The following H2BC5 variants were observed in gnomAD, a reference collection of about 807,000 sequenced individuals.
H2BC5 encodes the protein H2B clustered histone 5, also known as histone H2B type 1-D.
Under a neutral mutation model 5.7 loss-of-function variants are expected in H2BC5, and 9 were observed. The observed-to-expected ratio is 1.57, with a 90% CI of 0.95 to 2.74. The LOEUF (loss-of-function observed/expected upper bound fraction) is 2.74, where lower values mean the gene tolerates loss of function less well. Among genes scored for constraint, H2BC5 ranks in the 30% most tolerant of loss-of-function variants. H2BC5 has a pLI of 0.00. For synonymous variants in H2BC5, 133 were observed against 70.9 expected (o/e 1.88, Z -4.40); for missense variants, 175 against 168.8 (o/e 1.04, Z -0.20).
At position 26,158,203 on chromosome 6, in the gene H2BC5, A is replaced by G; in HGVS notation, c.34A>G (p.Lys12Glu). The change falls in exon 1 of 1, where the codon AAG becomes GAG. Residue 12 changes from lysine (K) to glutamate (E), a missense_variant. Transcript: ENST00000377777. ...ACCTACCAAGTCTGCTCCTGCCCCA[A>G]AGAAGGGCTCCAAGAAGGCGGTGAC... ...PEPTKSAPAP[K>E]KGSKKAVTKA... 1 of 1,614,196 alleles carries G rather than the reference A, an allele frequency of 6.2e-7. No homozygotes were observed. Among genetic ancestry groups the G allele is most frequent in the South Asian group, 1.1e-5 (1 of 91,086 alleles).
chr6:26,165,515 A>G (rs1186625032), intron 1 of H2BC5, among the ~76,000 whole-genome samples: 1 of 151,894 alleles, frequency 6.6e-6, no homozygotes, highest in Non-Finnish European at 1.5e-5. Flanking sequence ...CATCCTACCC[A>G]TGAAACCCCA....
At chr6:26,168,463 A>G (rs1479882753) in intron 1 of H2BC5, among the ~76,000 whole-genome samples, 1 of 151,896 alleles carries the variant, frequency 6.6e-6, no homozygotes, top group Non-Finnish European at 1.5e-5. Context: ...CATTTTTTAA[A>G]AAAAAAAAAT....
chr6:26,164,928 G>A (rs1764398541), intron 1 of H2BC5, among the ~76,000 whole-genome samples: 1 of 151,910 alleles, frequency 6.6e-6, no homozygotes, highest in South Asian at 2.1e-4. Context: ...CTAAAACTGG[G>A]GCTTGGGGGA....
At chr6:26,165,819 T>A (rs1452470056) in intron 1 of H2BC5, among the ~76,000 whole-genome samples, 1 of 152,124 alleles carries the variant, frequency 6.6e-6, no homozygotes, top group Non-Finnish European at 1.5e-5. Flanking sequence ...GAATGAGGGA[T>A]GAAAAGGAGG....
chr6:26,168,525 T>G (rs544883537), intron 1 of H2BC5, among the ~76,000 whole-genome samples: 2 of 152,088 alleles, frequency 1.3e-5, no homozygotes, highest in South Asian at 4.1e-4. Context: ...TGTAAAAAAT[T>G]TATGAACATA....
intron 1 of H2BC5, among the ~76,000 whole-genome samples, chr6:26,166,750 A>G (rs926536623): frequency 4.6e-4 from 65 of 141,870 alleles, no homozygotes; most frequent in Admixed American, 2.2e-3. Context: ...CCCAGGCTAA[A>G]GTGCAATGGT....
intron 1 of H2BC5, among the ~76,000 whole-genome samples, chr6:26,167,049 C>CTTTTTTTTT (rs149341201): frequency 4.0e-4 from 39 of 97,034 alleles, no homozygotes; most frequent in South Asian, 1.2e-3. Flanking sequence ...TTTGTTTTCT[C>CTTTTTTTTT]TTTTTTTTTT....
downstream of H2BC5, among the ~76,000 whole-genome samples, chr6:26,161,953 G>T (rs562672481): frequency 6.4e-4 from 97 of 152,028 alleles, 1 homozygote; most frequent in Middle Eastern, 3.4e-3. Context: ...AATAATATAA[G>T]AAAATAAAAA....
At chr6:26,159,618 G>A (rs1375240317), downstream of H2BC5, among the ~76,000 whole-genome samples, 3 of 152,156 alleles carry the variant, frequency 2.0e-5, no homozygotes, top group Non-Finnish European at 4.4e-5. Context: ...TACTTGAGAC[G>A]TGAAAAATGT....
chr6:26,166,238 C>G, intron 1 of H2BC5, among the ~76,000 whole-genome samples: 1 of 152,148 alleles, frequency 6.6e-6, no homozygotes, highest in East Asian at 1.9e-4. Flanking sequence ...TTAGCCTGGG[C>G]CCTTCCTTGC....
chr6:26,169,954 G>A (rs76021240), intron 1 of H2BC5, among the ~76,000 whole-genome samples: 3,257 of 151,708 alleles, frequency 0.021, 116 homozygotes, highest in African/African-American at 0.07. Context: ...AGAGCTTGGA[G>A]AACTAAAAGA....
chr6:26,158,904 G>C (rs892603258), downstream of H2BC5, among the ~76,000 whole-genome samples: 3 of 152,150 alleles, frequency 2.0e-5, no homozygotes, highest in African/African-American at 7.2e-5. Flanking sequence ...GTGTGGTGAC[G>C]GCCCGCCCTG....
chr6:26,168,236 A>C (rs1345207685), intron 1 of H2BC5, among the ~76,000 whole-genome samples: 1 of 152,144 alleles, frequency 6.6e-6, no homozygotes, highest in Admixed American at 6.6e-5. Context: ...AGGCGGGCAG[A>C]TCACCTGAGG....
At chr6:26,158,850 G>T (rs1279394501), downstream of H2BC5, among the ~76,000 whole-genome samples, 2 of 152,152 alleles carry the variant, frequency 1.3e-5, no homozygotes, top group Non-Finnish European at 2.9e-5. Context: ...TTTGGTTTCC[G>T]TGTGCAGATT....
At chr6:26,167,159 C>G (rs1317628276) in intron 1 of H2BC5, among the ~76,000 whole-genome samples, 1 of 139,600 alleles carries the variant, frequency 7.2e-6, no homozygotes, top group Non-Finnish European at 1.5e-5. Flanking sequence ...GTATCTGTGA[C>G]AAGCATGCTA....
At chr6:26,163,923 G>A (rs568206437) in intron 1 of H2BC5, 36 of 236,064 alleles carry the variant, frequency 1.5e-4, no homozygotes, top group African/African-American at 8.1e-4. Context: ...CTACAGGTGT[G>A]AGCCATTTCC....
At chr6:26,169,317 A>C (rs2113839078) in intron 1 of H2BC5, among the ~76,000 whole-genome samples, 1 of 152,136 alleles carries the variant, frequency 6.6e-6, no homozygotes, top group South Asian at 2.1e-4. Flanking sequence ...GTGGTCCTTG[A>C]CCTCCTGGAG....
At chr6:26,164,593 A>G (rs1376654781) in intron 1 of H2BC5, among the ~76,000 whole-genome samples, 1 of 132,510 alleles carries the variant, frequency 7.5e-6, no homozygotes, top group Non-Finnish European at 1.6e-5. Context: ...AGCAAGGGAG[A>G]TTTTATATAT....
At chr6:26,170,681 C>A (rs190602338) in intron 1 of H2BC5, among the ~76,000 whole-genome samples, 2 of 152,248 alleles carry the variant, frequency 1.3e-5, no homozygotes, top group African/African-American at 4.8e-5. Flanking sequence ...GTGTTCAAAT[C>A]TTTTCAGGTC....
Sources: gnomAD v4.1 joint callset for allele counts (sites outside exome capture counted in the v4.1 genomes callset) on GRCh38, gnomAD v4.1.1 for gene constraint, MANE v1.5 for transcripts, NCBI Gene and HGNC (gene_info 2026-07-23, HGNC 2026-07-21) for gene names.